Variants in ANKRD11 observed in about 807,000 individuals in gnomAD.
The protein encoded by ANKRD11 is ankyrin repeat domain-containing protein 11.
In ANKRD11, 17 loss-of-function variants were observed where a neutral mutation model predicts 195.7. The observed-to-expected ratio is 0.09, with a 90% CI of 0.06 to 0.13. The LOEUF (loss-of-function observed/expected upper bound fraction) is 0.13, where lower values mean the gene tolerates loss of function less well. Among genes scored for constraint, ANKRD11 ranks in the 10% least tolerant of loss-of-function variants. The pLI is 1.00. For missense variants in ANKRD11, 3,735 were observed against 3,566.1 expected, an observed-to-expected ratio of 1.05 and a Z score of -1.21; for synonymous variants, 1,953 against 1,528.1, an observed-to-expected ratio of 1.28 and a Z score of -6.49.
chr16:89,341,942 T>TGC (rs1567673892), intron 2 of ANKRD11, among the ~76,000 whole-genome samples: 6 of 138,842 alleles, frequency 4.3e-5, no homozygotes, highest in African/African-American at 1.7e-4. Context: ...CTGCACCTCC[T>TGC]CCACGAACAG....
intron 2 of ANKRD11, among the ~76,000 whole-genome samples, chr16:89,329,455 T>C (rs969547177): frequency 9.2e-5 from 14 of 152,192 alleles, no homozygotes; most frequent in Admixed American, 4.6e-4. Context: ...GGGTGATGAA[T>C]AGTCTATACT....
At chr16:89,357,432 G>A (rs569595469) in intron 2 of ANKRD11, among the ~76,000 whole-genome samples, 219 of 152,130 alleles carry the variant, frequency 1.4e-3, no homozygotes, top group African/African-American at 5.1e-3. Context: ...AACATATAAT[G>A]GTGCAACTGC....
chr16:89,369,191 G>A (rs1337426391), intron 2 of ANKRD11, among the ~76,000 whole-genome samples: 2 of 152,152 alleles, frequency 1.3e-5, no homozygotes, highest in Non-Finnish European at 2.9e-5. Flanking sequence ...TCCCAAGAGA[G>A]AATATGAAAC....
At chr16:89,392,297 T>A (rs2041233603) in intron 2 of ANKRD11, 1 of 152,420 alleles carries the variant, frequency 6.6e-6, no homozygotes, top group African/African-American at 2.4e-5. Flanking sequence ...CAAGTGCTAT[T>A]TCTTTACGGC....
In ANKRD11 at chr16:89,367,264, C is replaced by T. The variant is rs950330006; in HGVS notation, c.-59-50186G>A. On this transcript the variant is annotated intron_variant, in intron 2 of 12. Transcript: ENST00000301030. Reference sequence around the variant, plus strand: ...AGCGTTCTCTCAGGGGTGGGTAGAGCGCCGCTCCAGACTCCTGCCGCAGGG... The same window carrying T: ...AGCGTTCTCTCAGGGGTGGGTAGAGTGCCGCTCCAGACTCCTGCCGCAGGG... 8.5e-5 allele frequency among the ~76,000 whole-genome samples: 13 copies of T among 152,344 alleles called. No individual in the cohort carries two copies. In the South Asian group the frequency reaches 2.1e-3, roughly 24 times the overall value.
intron 4 of ANKRD11, among the ~76,000 whole-genome samples, chr16:89,304,690 A>G (rs1382139072): frequency 2.0e-5 from 3 of 152,036 alleles, no homozygotes; most frequent in African/African-American, 4.8e-5. Context: ...ACACACAGGC[A>G]TACACACTTG....
chr16:89,278,482 C>T (rs900686044), intron 9 of ANKRD11: 14 of 454,744 alleles, frequency 3.1e-5, no homozygotes, highest in African/African-American at 2.6e-4. Flanking sequence ...AGATGTTTCA[C>T]CTGAGCCTGC....
At chr16:89,482,504 T>G (rs1488170411) in intron 1 of ANKRD11, among the ~76,000 whole-genome samples, 6 of 152,170 alleles carry the variant, frequency 3.9e-5, no homozygotes, top group African/African-American at 1.4e-4. Context: ...ACCTCCAGCT[T>G]GCTCACCCCT....
At chr16:89,484,373 T>C (rs1301389391) in intron 1 of ANKRD11, among the ~76,000 whole-genome samples, 1 of 152,226 alleles carries the variant, frequency 6.6e-6, no homozygotes, top group Non-Finnish European at 1.5e-5. Context: ...ACAGCCATAA[T>C]GATTTCAAGT....
intron 2 of ANKRD11, among the ~76,000 whole-genome samples, chr16:89,403,222 C>T (rs2041773484): frequency 6.6e-6 from 1 of 152,218 alleles, no homozygotes; most frequent in African/African-American, 2.4e-5. Flanking sequence ...CTCTCTTCTG[C>T]TTTACGGGCA....
At chr16:89,301,146 G>A (rs370659261) in intron 4 of ANKRD11, among the ~76,000 whole-genome samples, 2 of 152,110 alleles carry the variant, frequency 1.3e-5, no homozygotes, top group African/African-American at 2.4e-5. Context: ...TCACTCTGTC[G>A]CCCAGGCTGG....
intron 2 of ANKRD11, among the ~76,000 whole-genome samples, chr16:89,394,958 G>C (rs1224141731): frequency 6.6e-6 from 1 of 152,222 alleles, no homozygotes; most frequent in African/African-American, 2.4e-5. Context: ...TAGAGCTGAT[G>C]AGAGAACCCC....
chr16:89,486,687 T>G (rs189813184), intron 1 of ANKRD11, among the ~76,000 whole-genome samples: 6 of 152,164 alleles, frequency 3.9e-5, no homozygotes, highest in African/African-American at 1.2e-4. Context: ...TAGGCCACAG[T>G]CACCATTTGG....
chr16:89,316,487 A>G (rs1467719176), intron 3 of ANKRD11, among the ~76,000 whole-genome samples: 1 of 152,236 alleles, frequency 6.6e-6, no homozygotes, highest in Non-Finnish European at 1.5e-5. Context: ...AATCAGCGTT[A>G]ACCGCACATT....
chr16:89,305,421 C>A (rs2036129333), intron 3 of ANKRD11, 77 bp from the exon 4 acceptor site: 2 of 1,590,130 alleles, frequency 1.3e-6, no homozygotes, highest in Admixed American at 3.4e-5. Flanking sequence ...TTTCATATGC[C>A]AGGAGAAGCG....
At chr16:89,296,473 C>T (rs2035444153) in intron 4 of ANKRD11, among the ~76,000 whole-genome samples, 1 of 152,196 alleles carries the variant, frequency 6.6e-6, no homozygotes, top group Admixed American at 6.5e-5. Context: ...TTCACCAATA[C>T]TTTCTTATGT....
rs1218968911 is a variant in ANKRD11 at position 89,463,619 on chromosome 16, A to G, written c.-145+26626T>C. On this transcript the variant is annotated intron_variant, in intron 1 of 12. Coordinates refer to ENST00000301030, the MANE Select transcript of ANKRD11 (RefSeq NM_013275.6). Reference sequence around the variant, plus strand: ...CTGACCTTCCCTCCACTATTGTCCTATGACCCTGCCAAATCCCCCTCTATG... The same window carrying G: ...CTGACCTTCCCTCCACTATTGTCCTGTGACCCTGCCAAATCCCCCTCTATG... 2.6e-5 allele frequency among the ~76,000 whole-genome samples: 4 copies of G among 151,898 alleles called. No homozygotes were observed. In the South Asian group the frequency reaches 6.2e-4, roughly 24 times the overall value.
At chr16:89,335,211 G>C (rs1484172885) in intron 2 of ANKRD11, among the ~76,000 whole-genome samples, 2 of 152,134 alleles carry the variant, frequency 1.3e-5, no homozygotes, top group African/African-American at 4.8e-5. Flanking sequence ...CCATTGTCCT[G>C]GCGTTCCATG....
chr16:89,458,287 C>T (rs917852248), intron 1 of ANKRD11, among the ~76,000 whole-genome samples: 7 of 151,644 alleles, frequency 4.6e-5, no homozygotes, highest in Non-Finnish European at 7.4e-5. Flanking sequence ...TGCAGTGGCG[C>T]GATCTCCGCT....
Sources: allele counts gnomAD v4.1 joint callset (sites outside exome capture counted in the v4.1 genomes callset), GRCh38; gene constraint gnomAD v4.1.1; transcripts MANE v1.5; gene names NCBI Gene and HGNC (gene_info 2026-07-23, HGNC 2026-07-21).